PRAMEF6: variants seen among roughly 807,000 people sequenced by gnomAD.
The protein encoded by PRAMEF6 is PRAME family member 6.
For synonymous variants in PRAMEF6, 8 were observed against 134.4 expected, an observed-to-expected ratio of 0.06 and a Z score of 6.51; for missense variants, 29 against 349.2, an observed-to-expected ratio of 0.08 and a Z score of 7.31.
intron 2 of PRAMEF6, among the ~76,000 whole-genome samples, chr1:12,941,770 G>C (rs537541612): frequency 8.9e-6 from 1 of 112,728 alleles, no homozygotes; most frequent in Non-Finnish European, 1.7e-5. Context: ...ACCCAGGCTG[G>C]AGTGCAGTGG....
chr1:12,938,533 T>C lies in PRAMEF6; in HGVS notation c.*142A>G. 9.8e-7 allele frequency: 1 copy of C among 1,022,248 alleles called. No homozygotes were observed. The highest frequency in any genetic ancestry group is 2.8e-5 in the East Asian group (1 of 36,016). The allele number at this position is 1,022,248 out of a possible 1,614,324, so 63.3% of individuals were successfully genotyped here. On this transcript the variant is annotated 3_prime_UTR_variant, in exon 4 of 4. Transcript: ENST00000376189. The stretch of plus-strand genomic sequence containing the variant: ...TCCCCCAAGTCCTGCCCCTGCTTGA[T>C]CACCTTCCCTTTCCCACTTTCAGAG...
At chr1:12,941,887 AT>A (rs1304356025) in intron 2 of PRAMEF6, among the ~76,000 whole-genome samples, 1 of 61,414 alleles carries the variant, frequency 1.6e-5, no homozygotes, top group Admixed American at 1.6e-4. Flanking sequence ...TGCCCAGCTA[AT>A]TTTTGTATTT....
At chr1:12,939,378 G>C in intron 3 of PRAMEF6, 142 bp from the exon 4 acceptor site, 1 of 1,064,180 alleles carries the variant, frequency 9.4e-7, no homozygotes. Flanking sequence ...CAACACTTAG[G>C]ATGATGTGTG....
intron 1 of PRAMEF6, among the ~76,000 whole-genome samples, chr1:12,943,147 TTCTC>T (rs1254519451): frequency 4.1e-5 from 4 of 98,592 alleles, no homozygotes; most frequent in Non-Finnish European, 8.0e-5. Flanking sequence ...CCTTCTCTCA[TTCTC>T]TCTCTCTTTC....
At chr1:12,947,382 C>CA (rs750245002) in intron 1 of PRAMEF6, 135 bp downstream of exon 1, 32 of 130,546 alleles carry the variant, frequency 2.5e-4, no homozygotes, top group Admixed American at 3.2e-4. Flanking sequence ...GGAAAACATT[C>CA]AAGCTTCAAA....
Position 12,941,505 on chromosome 1 carries a change from C to A in PRAMEF6, c.348G>T (p.Trp116Cys), listed in dbSNP as rs780227408. The change falls in exon 3 of 4, where the codon TGG becomes TGT. Residue 116 changes from tryptophan to cysteine, a missense_variant. Physicochemically the swap from Trp to Cys is radical, Grantham distance 215. Coordinates refer to ENST00000376189, the MANE Select transcript of PRAMEF6 (RefSeq NM_001010889.2). ...AGCACCCACGGGCCATAGCTTCAGA[C>A]CAAACCATCCAGAAGTTCTCACAGA... ...QDVCENFWMV[W>C]SEAMARGCFL... 3.4e-6 allele frequency: 5 copies of A among 1,488,328 alleles called. 1 individual carries two copies. The highest frequency in any genetic ancestry group is 4.5e-6 in the Non-Finnish European group (5 of 1,121,566). 92.2% of individuals were successfully genotyped at this position (1,488,328 alleles called of 1,614,324 possible).
chr1:12,941,715 T>A, intron 2 of PRAMEF6, 150 bp from the exon 3 acceptor site: 1 of 1,019,750 alleles, frequency 9.8e-7, no homozygotes, highest in South Asian at 1.8e-5. Context: ...CCTGCCCACT[T>A]CCACATTTTT....
intron 2 of PRAMEF6, among the ~76,000 whole-genome samples, chr1:12,941,911 G>GCCACCACACCT (rs1363959723): frequency 2.0e-5 from 1 of 49,672 alleles, no homozygotes; most frequent in Non-Finnish European, 3.4e-5. Context: ...AGTAGAGTTG[G>GCCACCACACCT]GGTTTACCAT....
rs758856449 is a variant in PRAMEF6 at position 12,938,507 on chromosome 1, T to G, written c.*168A>C. 1 of 760,540 alleles carries G rather than the reference T, an allele frequency of 1.3e-6. No homozygotes were observed. Among genetic ancestry groups the G allele is most frequent in the Non-Finnish European group, 1.9e-6 (1 of 524,230 alleles). 47.1% of individuals were successfully genotyped at this position (760,540 alleles called of 1,614,324 possible). On this transcript the variant is annotated 3_prime_UTR_variant, in exon 4 of 4. Coordinates refer to ENST00000376189, the MANE Select transcript of PRAMEF6 (RefSeq NM_001010889.2). ...AGTCCCATCGAATCCATGGCAACAC[T>G]TCCCCCAAGTCCTGCCCCTGCTTGA... is the stretch of plus-strand genomic sequence containing the variant.
chr1:12,939,769 G>A lies in PRAMEF6; in HGVS notation c.870-533C>T, dbSNP rs572188546. On this transcript the variant is annotated intron_variant, in intron 3 of 3. Transcript: ENST00000376189. ...CTGAGTCACTTCACCATCATTTATA[G>A]GAATGGATCAAGTTCACAGAATCCC... 3.0e-4 allele frequency among the ~76,000 whole-genome samples: 25 copies of A among 83,608 alleles called. 2 individuals are homozygous for A. The highest frequency in any genetic ancestry group is 1.4e-3 in the African/African-American group (23 of 16,758). The allele number at this position is 83,608 out of a possible 152,430, so 54.9% of individuals were successfully genotyped here.
rs746266965 is a variant in PRAMEF6 at position 12,940,976 on chromosome 1, T to C, written c.869+8A>G. The C allele has an allele frequency of 4.8e-6, 1 of 209,382 alleles. No individual in the cohort carries two copies. Among genetic ancestry groups the C allele is most frequent in the Non-Finnish European group, 7.8e-6 (1 of 128,188 alleles). 13.0% of individuals were successfully genotyped at this position (209,382 alleles called of 1,614,324 possible). A position where few individuals can be genotyped will look rare whatever the true frequency, so the allele number is the denominator to read the frequency against. Reference sequence around the variant, plus strand: ...GGTCTGCAGAGAAAGCTCACCACCCTCCCTCACCTGAGCAGCTGGTCCAGG... The same window carrying C: ...GGTCTGCAGAGAAAGCTCACCACCCCCCCTCACCTGAGCAGCTGGTCCAGG... On this transcript the variant is annotated splice_region_variant and intron_variant, in intron 3 of 3. Transcript: ENST00000376189.
chr1:12,939,701 C>G (rs28728083), intron 3 of PRAMEF6, among the ~76,000 whole-genome samples: 1 of 113,350 alleles, frequency 8.8e-6, no homozygotes, highest in South Asian at 3.3e-4. Flanking sequence ...AGAGAGACTC[C>G]GCATTAAAAA....
intron 1 of PRAMEF6, among the ~76,000 whole-genome samples, chr1:12,945,606 A>C (rs1236946686): frequency 1.5e-5 from 1 of 65,136 alleles, no homozygotes; most frequent in East Asian, 3.9e-4. Flanking sequence ...TACCGGATTG[A>C]ATCAGATGTC....
chr1:12,941,740 A>G (rs1412874990), intron 2 of PRAMEF6, among the ~76,000 whole-genome samples, 175 bp from the exon 3 acceptor site: 1 of 111,826 alleles, frequency 8.9e-6, no homozygotes, highest in Non-Finnish European at 1.7e-5. Context: ...TTTTCTTTTG[A>G]GACCAAGTCT....
In PRAMEF6 at chr1:12,939,738, T is replaced by C. The variant is rs1456313286; in HGVS notation, c.870-502A>G. 3.8e-5 allele frequency among the ~76,000 whole-genome samples: 4 copies of C among 104,496 alleles called. 1 individual carries two copies. Among genetic ancestry groups the C allele is most frequent in the Admixed American group, 3.7e-4 (4 of 10,940 alleles). 68.6% of individuals were successfully genotyped at this position (104,496 alleles called of 152,430 possible). On this transcript the variant is annotated intron_variant, in intron 3 of 3. Transcript: ENST00000376189. ...AAAAAGGAGAAAAAAATAATTCCAT[T>C]TGAGGCTGAGTCACTTCACCATCAT...
chr1:12,945,806 G>GGTAAAA (rs1641753582), intron 1 of PRAMEF6, among the ~76,000 whole-genome samples: 1 of 17,792 alleles, frequency 5.6e-5, no homozygotes, highest in Non-Finnish European at 8.7e-5. Flanking sequence ...TGGCCAACAT[G>GGTAAAA]GTAAAACCCT....
At chr1:12,941,997 G>A (rs1254699931) in intron 2 of PRAMEF6, among the ~76,000 whole-genome samples, 1 of 36,604 alleles carries the variant, frequency 2.7e-5, no homozygotes, top group African/African-American at 2.2e-4. Flanking sequence ...CACCGTGCCC[G>A]GCCCAGTTCT....
chr1:12,938,538 T>C lies in PRAMEF6; in HGVS notation c.*137A>G. 1 of 1,060,696 alleles carries C rather than the reference T, an allele frequency of 9.4e-7. No homozygotes were observed. Among genetic ancestry groups the C allele is most frequent in the Non-Finnish European group, 1.3e-6 (1 of 782,454 alleles). 65.7% of individuals were successfully genotyped at this position (1,060,696 alleles called of 1,614,324 possible). On this transcript the variant is annotated 3_prime_UTR_variant, in exon 4 of 4. Transcript: ENST00000376189. ...CAAGTCCTGCCCCTGCTTGATCACCTTCCCTTTCCCACTTTCAGAGCCCAT... is the reference window on the plus strand; with the variant it reads ...CAAGTCCTGCCCCTGCTTGATCACCCTCCCTTTCCCACTTTCAGAGCCCAT...
At chr1:12,941,728 G>GT (rs1445940959) in intron 2 of PRAMEF6, among the ~76,000 whole-genome samples, 163 bp from the exon 3 acceptor site, 1 of 108,084 alleles carries the variant, frequency 9.3e-6, no homozygotes, top group Non-Finnish European at 1.8e-5. Flanking sequence ...ACATTTTTTT[G>GT]TTTTTCTTTT....
Sources: gnomAD v4.1 joint callset for allele counts (sites outside exome capture counted in the v4.1 genomes callset) on GRCh38, gnomAD v4.1.1 for gene constraint, MANE v1.5 for transcripts, NCBI Gene and HGNC (gene_info 2026-07-23, HGNC 2026-07-21) for gene names.